The following PRRX1 variants were observed in gnomAD, a reference collection of about 807,000 sequenced individuals.
PRRX1 encodes paired related homeobox 1.
In PRRX1, 8 loss-of-function variants were observed where a neutral mutation model predicts 24.0. The ratio of observed to expected loss-of-function variants is 0.33; its 90% CI spans 0.20 to 0.60. The LOEUF (loss-of-function observed/expected upper bound fraction) is 0.60. Among genes scored for constraint, PRRX1 ranks in the 20% least tolerant of loss-of-function variants. PRRX1 has a pLI of 0.82. For missense variants in PRRX1, 281 were observed against 322.4 expected (o/e 0.87, Z 0.98); for synonymous variants, 160 against 131.7 (o/e 1.22, Z -1.47).
chr1:170,686,193 A>G (rs1653730511), intron 1 of PRRX1, among the ~76,000 whole-genome samples: 1 of 151,974 alleles, frequency 6.6e-6, no homozygotes, highest in African/African-American at 2.4e-5. Flanking sequence ...AAAAAAAAAA[A>G]AACAAGTTGC....
At chr1:170,674,240 GCA>G (rs369117667) in intron 1 of PRRX1, among the ~76,000 whole-genome samples, 9 of 150,844 alleles carry the variant, frequency 6.0e-5, no homozygotes, top group South Asian at 2.1e-4. Context: ...GCGCACGCAC[GCA>G]CACACACACA....
At chr1:170,703,468 A>T (rs1187219193) in intron 1 of PRRX1, among the ~76,000 whole-genome samples, 1 of 152,234 alleles carries the variant, frequency 6.6e-6, no homozygotes, top group Non-Finnish European at 1.5e-5. Context: ...AGAAATATTT[A>T]TTAAGTACTT....
chr1:170,666,213 G>C (rs939150266), intron 1 of PRRX1, among the ~76,000 whole-genome samples: 2 of 152,064 alleles, frequency 1.3e-5, no homozygotes, highest in Admixed American at 6.5e-5. Context: ...GAGGTCAGGA[G>C]TTCGAGACCA....
intron 1 of PRRX1, among the ~76,000 whole-genome samples, chr1:170,713,015 A>G (rs930402608): frequency 1.3e-5 from 2 of 152,144 alleles, no homozygotes; most frequent in Non-Finnish European, 2.9e-5. Flanking sequence ...GTCTTTATCA[A>G]AGAGAGGGTA....
At chr1:170,696,305 G>A (rs949765781) in intron 1 of PRRX1, among the ~76,000 whole-genome samples, 2 of 152,150 alleles carry the variant, frequency 1.3e-5, no homozygotes, top group Non-Finnish European at 2.9e-5. Context: ...GTCTATATTA[G>A]AGAAAAAGAG....
intron 1 of PRRX1, among the ~76,000 whole-genome samples, chr1:170,679,434 C>A (rs545943462): frequency 1.3e-5 from 2 of 152,242 alleles, no homozygotes; most frequent in South Asian, 4.1e-4. Context: ...GAGTCTGGCT[C>A]TGTTGCCCAG....
intron 1 of PRRX1, among the ~76,000 whole-genome samples, chr1:170,713,362 A>G (rs1372390822): frequency 5.9e-5 from 9 of 152,188 alleles, no homozygotes; most frequent in African/African-American, 1.9e-4. Flanking sequence ...TTTGTGTTGG[A>G]TATTCTCAGG....
intron 1 of PRRX1, among the ~76,000 whole-genome samples, chr1:170,712,965 A>C (rs539189653): frequency 6.6e-6 from 1 of 152,290 alleles, no homozygotes; most frequent in East Asian, 1.9e-4. Context: ...ATCCATAGAA[A>C]AATTGGAGGT....
intron 1 of PRRX1, among the ~76,000 whole-genome samples, chr1:170,665,027 G>A (rs981359288): frequency 6.6e-6 from 1 of 152,214 alleles, no homozygotes; most frequent in Non-Finnish European, 1.5e-5. Context: ...GAGAACGCCC[G>A]GCCCCAGACG....
chr1:170,664,368 G>C lies in PRRX1; in HGVS notation c.150G>C (p.Ala50=), dbSNP rs376351453. The C allele has an allele frequency of 1.2e-6, 2 of 1,613,734 alleles. No individual in the cohort carries two copies. The highest frequency in any genetic ancestry group is 1.3e-5 in the African/African-American group (1 of 74,916). Residue 50 remains alanine (A), a synonymous_variant, in exon 1 of 4, where the codon GCG becomes GCC. Coordinates refer to ENST00000239461, the MANE Select transcript of PRRX1 (RefSeq NM_022716.4). ...LDLEEAGDMV[A]AQADENVGEA... ...TGGAGGAAGCCGGGGACATGGTGGC[G>C]GCACAGGCGGATGAGAACGTGGGCG...
intron 1 of PRRX1, among the ~76,000 whole-genome samples, chr1:170,713,425 T>A (rs1212595499): frequency 1.3e-5 from 2 of 152,208 alleles, no homozygotes; most frequent in East Asian, 3.8e-4. Flanking sequence ...TTAAAGCGCT[T>A]AAGGTGATAT....
At chr1:170,731,127 T>A (rs1331137750) in intron 3 of PRRX1, among the ~76,000 whole-genome samples, 1 of 152,214 alleles carries the variant, frequency 6.6e-6, no homozygotes, top group Non-Finnish European at 1.5e-5. Context: ...TCACAAAAGA[T>A]CCCTTTCCAA....
chr1:170,665,711 C>G (rs1184749125), intron 1 of PRRX1, among the ~76,000 whole-genome samples: 1 of 152,232 alleles, frequency 6.6e-6, no homozygotes, highest in Non-Finnish European at 1.5e-5. Flanking sequence ...GGTGGCCCCG[C>G]GGGCCACGCT....
chr1:170,691,846 A>G (rs1653994460), intron 1 of PRRX1, among the ~76,000 whole-genome samples: 1 of 152,086 alleles, frequency 6.6e-6, no homozygotes. Context: ...GGTTGTGGTC[A>G]ACAGAGTTCC....
intron 1 of PRRX1, among the ~76,000 whole-genome samples, chr1:170,676,003 A>G (rs1653308881): frequency 6.6e-6 from 1 of 152,202 alleles, no homozygotes; most frequent in Non-Finnish European, 1.5e-5. Flanking sequence ...AAGAAAGAGA[A>G]CCACCCAGAG....
intron 1 of PRRX1, among the ~76,000 whole-genome samples, chr1:170,705,094 G>T (rs558780643): frequency 6.6e-6 from 1 of 152,192 alleles, no homozygotes; most frequent in African/African-American, 2.4e-5. Flanking sequence ...CATCCTTAGT[G>T]ATTCACCTTA....
intron 3 of PRRX1, among the ~76,000 whole-genome samples, chr1:170,731,587 G>C (rs1162467195): frequency 6.6e-6 from 1 of 152,174 alleles, no homozygotes; most frequent in Non-Finnish European, 1.5e-5. Context: ...AGTACGAATA[G>C]TATTTTCCAT....
At position 170,719,745 on chromosome 1, in the gene PRRX1, A is replaced by G. The variant is rs780332493; in HGVS notation, c.261A>G (p.Glu87=). 121 of 1,614,076 alleles carry G rather than the reference A, an allele frequency of 7.5e-5. No individual in the cohort carries two copies. Among genetic ancestry groups the G allele is most frequent in the Non-Finnish European group, 9.9e-5 (117 of 1,180,036 alleles). The stretch of plus-strand genomic sequence containing the variant: ...TTCCAGATGACCAGCTGAACTCAGA[A>G]GAAAAAAAGAAGAGAAAGCAGCGAA... ...PQQDNDQLNS[E]EKKKRKQRRN... Residue 87 remains glutamate (E), a synonymous_variant, in exon 2 of 4, where the codon GAA becomes GAG. Coordinates refer to ENST00000239461, the MANE Select transcript of PRRX1 (RefSeq NM_022716.4).
chr1:170,711,068 A>G (rs1030097270), intron 1 of PRRX1, among the ~76,000 whole-genome samples: 8 of 152,228 alleles, frequency 5.3e-5, no homozygotes, highest in Admixed American at 4.6e-4. Context: ...TTTTTTAAAC[A>G]AAATTTGAAT....
Sources: gnomAD v4.1 joint callset for allele counts (sites outside exome capture counted in the v4.1 genomes callset) on GRCh38, gnomAD v4.1.1 for gene constraint, MANE v1.5 for transcripts, NCBI Gene and HGNC (gene_info 2026-07-23, HGNC 2026-07-21) for gene names.